LDLRAD4: variants seen among roughly 807,000 people sequenced by gnomAD.
The protein encoded by LDLRAD4 is low density lipoprotein receptor class A domain containing 4.
In LDLRAD4, 5 loss-of-function variants were observed where a neutral mutation model predicts 17.0. The ratio of observed to expected loss-of-function variants is 0.29; its 90% confidence interval spans 0.15 to 0.62. The LOEUF (loss-of-function observed/expected upper bound fraction) is 0.62. Ranked by LOEUF, LDLRAD4 falls within the 20% of genes least tolerant of loss-of-function variation. LDLRAD4 has a pLI of 0.84. For missense variants in LDLRAD4, 340 were observed against 424.7 expected (o/e 0.80, Z 1.75); for synonymous variants, 168 against 171.8 (o/e 0.98, Z 0.17).
chr18:13,406,314 G>T (rs1218710445), intron 2 of LDLRAD4, among the ~76,000 whole-genome samples: 2 of 152,212 alleles, frequency 1.3e-5, no homozygotes, highest in African/African-American at 4.8e-5. Flanking sequence ...GGTGCCATGG[G>T]CTGGTTTCTG....
At chr18:13,354,198 C>T (rs2083205083) in intron 1 of LDLRAD4, among the ~76,000 whole-genome samples, 1 of 151,950 alleles carries the variant, frequency 6.6e-6, no homozygotes, top group South Asian at 2.1e-4. Flanking sequence ...CCAGCCTTGG[C>T]AATATAGCAA....
intron 3 of LDLRAD4, among the ~76,000 whole-genome samples, chr18:13,533,633 C>G (rs2094161038): frequency 6.6e-6 from 1 of 152,184 alleles, no homozygotes; most frequent in African/African-American, 2.4e-5. Context: ...TGATTATGTA[C>G]TGAATCTTAC....
chr18:13,462,801 G>T (rs893667814), intron 3 of LDLRAD4, among the ~76,000 whole-genome samples: 1 of 152,158 alleles, frequency 6.6e-6, no homozygotes, highest in Non-Finnish European at 1.5e-5. Context: ...GCAGAGCCCC[G>T]CCTGGGAGCT....
chr18:13,469,291 T>A (rs2092706564), intron 3 of LDLRAD4, among the ~76,000 whole-genome samples: 2 of 152,242 alleles, frequency 1.3e-5, no homozygotes, highest in African/African-American at 4.8e-5. Context: ...GATAGGAGTT[T>A]ACAACGATGC....
At chr18:13,481,658 T>C (rs754156543) in intron 3 of LDLRAD4, among the ~76,000 whole-genome samples, 93 of 152,208 alleles carry the variant, frequency 6.1e-4, no homozygotes, top group African/African-American at 2.1e-3. Context: ...CCATGGCTCA[T>C]GTATTCATTC....
At chr18:13,564,648 C>T (rs557903126) in intron 3 of LDLRAD4, among the ~76,000 whole-genome samples, 1 of 149,008 alleles carries the variant, frequency 6.7e-6, no homozygotes, top group Non-Finnish European at 1.5e-5. Context: ...TGAGTCGTGG[C>T]GAGTGCGGCA....
At chr18:13,299,719 G>A (rs1057156000) in intron 1 of LDLRAD4, among the ~76,000 whole-genome samples, 1 of 152,126 alleles carries the variant, frequency 6.6e-6, no homozygotes, top group Admixed American at 6.5e-5. Context: ...GTGCACAGCT[G>A]TAATCCAAGC....
At chr18:13,546,779 T>G (rs748194923) in intron 3 of LDLRAD4, among the ~76,000 whole-genome samples, 1 of 152,104 alleles carries the variant, frequency 6.6e-6, no homozygotes, top group Non-Finnish European at 1.5e-5. Context: ...GAGAAAGCGG[T>G]GATCTCTGAG....
intron 1 of LDLRAD4, among the ~76,000 whole-genome samples, chr18:13,233,848 G>A (rs1386151384): frequency 2.0e-5 from 3 of 152,034 alleles, no homozygotes; most frequent in Non-Finnish European, 4.4e-5. Context: ...CTCCAAGCCA[G>A]CATGTCTAAA....
intron 1 of LDLRAD4, among the ~76,000 whole-genome samples, chr18:13,290,238 A>C (rs1305019477): frequency 6.6e-6 from 1 of 152,188 alleles, no homozygotes; most frequent in Non-Finnish European, 1.5e-5. Context: ...GAAGAGGAAG[A>C]GGGGCTGGGG....
chr18:13,608,051 C>T (rs1281875675), intron 3 of LDLRAD4, among the ~76,000 whole-genome samples: 1 of 151,930 alleles, frequency 6.6e-6, no homozygotes, highest in Admixed American at 6.6e-5. Flanking sequence ...AACTAATTTA[C>T]ACTCCCACCA....
intron 1 of LDLRAD4, among the ~76,000 whole-genome samples, chr18:13,336,557 A>T (rs1310421463): frequency 6.6e-6 from 1 of 151,884 alleles, no homozygotes; most frequent in Admixed American, 6.6e-5. Flanking sequence ...CTTTTACCTA[A>T]GTTTCAATTT....
At chr18:13,459,810 A>G (rs909987101) in intron 3 of LDLRAD4, 12 of 153,436 alleles carry the variant, frequency 7.8e-5, no homozygotes, top group African/African-American at 2.4e-4. Context: ...CCAGGTCTAC[A>G]TTTTCTCAGG....
intron 3 of LDLRAD4, among the ~76,000 whole-genome samples, chr18:13,555,028 A>G (rs1378321439): frequency 6.6e-6 from 1 of 152,220 alleles, no homozygotes; most frequent in East Asian, 1.9e-4. Flanking sequence ...TCTAATCATG[A>G]GCGAAAACAG....
chr18:13,489,079 G>C (rs954640666), intron 3 of LDLRAD4: 35 of 152,138 alleles, frequency 2.3e-4, no homozygotes, highest in African/African-American at 7.5e-4. Context: ...TTCTTTAACC[G>C]AGGGGTGGAA....
At chr18:13,302,007 C>T (rs958019569) in intron 1 of LDLRAD4, among the ~76,000 whole-genome samples, 5 of 152,190 alleles carry the variant, frequency 3.3e-5, no homozygotes, top group African/African-American at 4.8e-5. Context: ...CTCCCAGATA[C>T]GTACATATAA....
intron 3 of LDLRAD4, among the ~76,000 whole-genome samples, chr18:13,475,294 A>T (rs904545225): frequency 6.6e-6 from 1 of 152,168 alleles, no homozygotes; most frequent in Non-Finnish European, 1.5e-5. Context: ...TGTGGCCCGG[A>T]GACAACAGGA....
At chr18:13,576,466 T>G (rs1601502977) in intron 3 of LDLRAD4, among the ~76,000 whole-genome samples, 2 of 149,206 alleles carry the variant, frequency 1.3e-5, no homozygotes, top group East Asian at 3.9e-4. Context: ...AGAAATAAAG[T>G]GGATTCCTCT....
At chr18:13,265,964 G>A (rs918074335) in intron 1 of LDLRAD4, among the ~76,000 whole-genome samples, 3 of 152,096 alleles carry the variant, frequency 2.0e-5, no homozygotes, top group Non-Finnish European at 4.4e-5. Context: ...GGATCTGCTC[G>A]ATCTAGGTTT....
Sources: allele counts gnomAD v4.1 joint callset (sites outside exome capture counted in the v4.1 genomes callset), GRCh38; gene constraint gnomAD v4.1.1; transcripts MANE v1.5; gene names NCBI Gene and HGNC (gene_info 2026-07-23, HGNC 2026-07-21).